PLCG2: variants seen among roughly 807,000 people sequenced by gnomAD.
PLCG2 encodes phospholipase C gamma 2.
A neutral mutation model predicts 175.6 loss-of-function variants in PLCG2; 69 were observed. The observed-to-expected ratio is 0.39, with a 90% CI of 0.32 to 0.48. The LOEUF (loss-of-function observed/expected upper bound fraction) is 0.48. PLCG2 is among the 20% of genes least tolerant of loss of function. The probability of loss-of-function intolerance (pLI) is 0.91; values close to 1 mark genes in which losing one functional copy is unlikely to be tolerated. For missense variants in PLCG2, 1,798 were observed against 1,650.9 expected (o/e 1.09, Z -1.54); for synonymous variants, 827 against 624.0 (o/e 1.33, Z -4.85).
At chr16:81,919,258 C>T (rs1909963807) in intron 19 of PLCG2, among the ~76,000 whole-genome samples, 1 of 152,180 alleles carries the variant, frequency 6.6e-6, no homozygotes, top group Non-Finnish European at 1.5e-5. Context: ...TGTTGAGTCA[C>T]TCGGCCATAT....
chr16:81,743,417 TG>T (rs1217369096), intron 1 of PLCG2, among the ~76,000 whole-genome samples: 1 of 152,188 alleles, frequency 6.6e-6, no homozygotes, highest in East Asian at 1.9e-4. Context: ...GGCACAGACT[TG>T]CTGGAACACT....
intron 31 of PLCG2, among the ~76,000 whole-genome samples, chr16:81,951,250 C>T (rs1911354587): frequency 6.6e-6 from 1 of 152,204 alleles, no homozygotes; most frequent in Admixed American, 6.5e-5. Flanking sequence ...ACGTGTCAGC[C>T]ACTGTGTCCA....
intron 24 of PLCG2, among the ~76,000 whole-genome samples, chr16:81,930,435 C>G (rs1053135473): frequency 1.3e-5 from 2 of 152,132 alleles, no homozygotes; most frequent in African/African-American, 4.8e-5. Context: ...GGCTTTCTCC[C>G]TTGTGTCTGC....
rs770994063 is a variant in PLCG2 at position 81,874,948 on chromosome 16, G to GTTTTTT, written c.648+4037_648+4042dup. ...CTATTTGCTAGGCACTATCCTATGT[G>GTTTTTT]TTTTTTTTTTTTTTTTTTTTTTTTT... On this transcript the variant is annotated intron_variant, in intron 7 of 32. Transcript: ENST00000564138. 8.9e-3 allele frequency among the ~76,000 whole-genome samples: 362 copies of GTTTTTT among 40,560 alleles called. 1 individual carries two copies. The highest frequency in any genetic ancestry group is 0.012 in the Non-Finnish European group (227 of 19,472). 26.6% of individuals were successfully genotyped at this position (40,560 alleles called of 152,430 possible). A position where few individuals can be genotyped will look rare whatever the true frequency, so the allele number is the denominator to read the frequency against.
intron 2 of PLCG2, among the ~76,000 whole-genome samples, chr16:81,793,777 G>T (rs1911343945): frequency 1.3e-5 from 2 of 152,194 alleles, no homozygotes; most frequent in African/African-American, 4.8e-5. Context: ...AATCCCCGCA[G>T]TGGTCCAGTG....
chr16:81,954,165 G>C (rs553173600), intron 31 of PLCG2, among the ~76,000 whole-genome samples: 28 of 152,114 alleles, frequency 1.8e-4, no homozygotes, highest in African/African-American at 6.5e-4. Flanking sequence ...TGGGAGTACA[G>C]GGTATGCCAC....
intron 2 of PLCG2, among the ~76,000 whole-genome samples, chr16:81,799,870 G>A (rs1335625394): frequency 6.6e-6 from 1 of 152,202 alleles, no homozygotes; most frequent in Admixed American, 6.5e-5. Flanking sequence ...TGGGATTACA[G>A]GTGTGAACCA....
intron 2 of PLCG2, among the ~76,000 whole-genome samples, chr16:81,787,902 AT>A (rs1383802724): frequency 2.0e-5 from 3 of 152,098 alleles, no homozygotes; most frequent in African/African-American, 7.2e-5. Context: ...TGGATCAGAA[AT>A]TTTCCTTTTT....
At chr16:81,823,568 C>G (rs973697674) in intron 2 of PLCG2, among the ~76,000 whole-genome samples, 1 of 152,166 alleles carries the variant, frequency 6.6e-6, no homozygotes, top group Non-Finnish European at 1.5e-5. Flanking sequence ...CTCTGTCGCC[C>G]AGGCTGGAGG....
intron 2 of PLCG2, among the ~76,000 whole-genome samples, chr16:81,802,553 A>C (rs1911779552): frequency 6.6e-6 from 1 of 151,796 alleles, no homozygotes; most frequent in African/African-American, 2.4e-5. Context: ...GAACCTATAG[A>C]TTTGTTTTCT....
In PLCG2 at chr16:81,958,669, T is replaced by C. The variant is rs1296433821; in HGVS notation, c.*671T>C. The C allele has an allele frequency of 4.5e-6, 1 of 222,870 alleles. No individual in the cohort carries two copies. Among genetic ancestry groups the C allele is most frequent in the Non-Finnish European group, 9.0e-6 (1 of 111,602 alleles). The allele number at this position is 222,870 out of a possible 1,614,324, so 13.8% of individuals were successfully genotyped here. ...GAGGGTAGGAATCTTGGGGCCTCTT[T>C]GTTTTAAAAAGCCCATCAGAGAGAC... On this transcript the variant is annotated 3_prime_UTR_variant, in exon 33 of 33. Transcript: ENST00000564138.
At chr16:81,929,523 G>A (rs1455416244) in intron 24 of PLCG2, among the ~76,000 whole-genome samples, 2 of 152,206 alleles carry the variant, frequency 1.3e-5, no homozygotes, top group Non-Finnish European at 2.9e-5. Context: ...AGCCTCCTGA[G>A]TAGCCGGGAC....
At chr16:81,771,172 C>T (rs1044799800) in intron 2 of PLCG2, among the ~76,000 whole-genome samples, 4 of 152,156 alleles carry the variant, frequency 2.6e-5, no homozygotes, top group Non-Finnish European at 4.4e-5. Flanking sequence ...CCTAGAACAT[C>T]GCAGCCCTCA....
At chr16:81,906,805 C>T (rs7190729) in intron 15 of PLCG2, among the ~76,000 whole-genome samples, 111,939 of 152,028 alleles carry the variant, frequency 0.74, 41,976 homozygotes, top group East Asian at 0.97. Flanking sequence ...CTTGGGAGGC[C>T]GAGGAAGGCA....
At position 81,960,097 on chromosome 16, in the gene PLCG2, T is replaced by G. The variant is rs1450454493; in HGVS notation, c.*2099T>G. The G allele has an allele frequency of 9.1e-6, 2 of 219,364 alleles. No homozygotes were observed. The highest frequency in any genetic ancestry group is 1.8e-5 in the Non-Finnish European group (2 of 109,418). 13.6% of individuals were successfully genotyped at this position (219,364 alleles called of 1,614,324 possible). ...ATGGTGCTGGGAAGAACCCTCTGCC[T>G]AAAACTGTCTCCTTCTCCTGGTGCT... On this transcript the variant is annotated 3_prime_UTR_variant, in exon 33 of 33. Coordinates refer to ENST00000564138, the MANE Select transcript of PLCG2 (RefSeq NM_002661.5).
chr16:81,911,790 C>CTTT (rs35027472), intron 18 of PLCG2, among the ~76,000 whole-genome samples: 6,720 of 67,234 alleles, frequency 0.1, 426 homozygotes, highest in Non-Finnish European at 0.12. Context: ...TTTGTATTTC[C>CTTT]TTTTTTTTTT....
chr16:81,878,673 C>T (rs11644436), intron 7 of PLCG2, among the ~76,000 whole-genome samples: 27,337 of 152,088 alleles, frequency 0.18, 2,642 homozygotes, highest in Middle Eastern at 0.22. Context: ...TCAGCCATCA[C>T]CTCCATGTGT....
At chr16:81,752,033 A>G (rs761430073) in intron 1 of PLCG2, among the ~76,000 whole-genome samples, 1 of 151,078 alleles carries the variant, frequency 6.6e-6, no homozygotes, top group Admixed American at 6.6e-5. Flanking sequence ...AAAAATAAAT[A>G]TAAAAAAAAT....
intron 2 of PLCG2, among the ~76,000 whole-genome samples, chr16:81,830,848 G>T (rs377483892): frequency 1.3e-5 from 2 of 151,886 alleles, no homozygotes; most frequent in Non-Finnish European, 2.9e-5. Context: ...ATGACTGAGG[G>T]TATATGCAAG....
Sources: gnomAD v4.1 joint callset for allele counts (sites outside exome capture counted in the v4.1 genomes callset) on GRCh38, gnomAD v4.1.1 for gene constraint, MANE v1.5 for transcripts, NCBI Gene and HGNC (gene_info 2026-07-23, HGNC 2026-07-21) for gene names.